LRRC31: variants seen among roughly 807,000 people sequenced by gnomAD.
LRRC31 encodes leucine-rich repeat-containing protein 31.
In LRRC31, 35 loss-of-function variants were observed where a neutral mutation model predicts 46.7. That is an observed-to-expected ratio of 0.75 (90% CI 0.57 to 0.99). LRRC31 has a LOEUF of 0.99. Ranked by LOEUF, LRRC31 falls within the 50% of genes least tolerant of loss-of-function variation. The pLI is 0.00. For missense variants in LRRC31, 613 were observed against 626.1 expected, an observed-to-expected ratio of 0.98 and a Z score of 0.22; for synonymous variants, 236 against 235.1, an observed-to-expected ratio of 1.00 and a Z score of -0.03.
rs1208353242 is a variant in LRRC31 at position 169,857,353 on chromosome 3, C to T, written c.488-481G>A. On this transcript the variant is annotated intron_variant, in intron 3 of 8. Coordinates refer to ENST00000316428, the MANE Select transcript of LRRC31 (RefSeq NM_024727.4). ...ATATATATATATATATATACACACA[C>T]ACACACACACACACACAAGTATATA... is the stretch of plus-strand genomic sequence containing the variant. Among the ~76,000 whole-genome samples, 230 of 91,076 alleles carry T rather than the reference C, an allele frequency of 2.5e-3. 2 individuals are homozygous for T. The highest frequency in any genetic ancestry group is 7.4e-3 in the African/African-American group (202 of 27,396). The allele number at this position is 91,076 out of a possible 152,430, so 59.7% of individuals were successfully genotyped here.
At position 169,860,657 on chromosome 3, in the gene LRRC31, G is replaced by A; in HGVS notation, c.391C>T (p.Leu131Phe). 1 of 1,614,134 alleles carries A rather than the reference G, an allele frequency of 6.2e-7. No homozygotes were observed. The highest frequency in any genetic ancestry group is 1.1e-5 in the South Asian group (1 of 91,084). ...ISWNGFVGGT[L>F]LSITQQMHLV... Reference sequence around the variant, plus strand: ...TGCATTTGCTGAGTGATGGAAAGGAGGGTTCCACCTACAAAACCATTCCAG... The same window carrying A: ...TGCATTTGCTGAGTGATGGAAAGGAAGGTTCCACCTACAAAACCATTCCAG... Residue 131 changes from leucine to phenylalanine, a missense_variant, in exon 3 of 9, where the codon CTC becomes TTC. Leu to Phe is a conservative substitution (Grantham distance 22). Transcript: ENST00000316428.
intron 1 of LRRC31, among the ~76,000 whole-genome samples, chr3:169,866,867 C>T (rs567194487): frequency 6.6e-6 from 1 of 151,928 alleles, no homozygotes; most frequent in African/African-American, 2.4e-5. Flanking sequence ...GAGGCTGAGA[C>T]AAGAGAATCA....
chr3:169,849,521 G>T (rs1281123816), intron 7 of LRRC31, among the ~76,000 whole-genome samples: 1 of 152,100 alleles, frequency 6.6e-6, no homozygotes, highest in Non-Finnish European at 1.5e-5. Context: ...TACAAAAATT[G>T]GCCAGGTGTG....
At position 169,848,123 on chromosome 3, in the gene LRRC31, G is replaced by A. The variant is rs1293834852; in HGVS notation, c.1324C>T (p.Leu442=). 6.2e-7 allele frequency: 1 copy of A among 1,612,536 alleles called. No individual in the cohort carries two copies. Among genetic ancestry groups the A allele is most frequent in the South Asian group, 1.1e-5 (1 of 90,946 alleles). ...TTGGGAACAAGTAGATACACACCCAGGAGAGCCACATCCTCTGTCACCAGG... is the reference window on the plus strand; with the variant it reads ...TTGGGAACAAGTAGATACACACCCAAGAGAGCCACATCCTCTGTCACCAGG... ...CSLVTEDVAL[L]ASVIQTGHLA... Residue 442 remains leucine (L), a synonymous_variant, in exon 8 of 9, where the codon CTG becomes TTG. Transcript: ENST00000316428.
chr3:169,839,743 T>C lies in LRRC31; in HGVS notation c.*239A>G, dbSNP rs183448685. The C allele has an allele frequency of 7.9e-4, 129 of 162,266 alleles. 1 individual carries two copies. Among genetic ancestry groups the C allele is most frequent in the Middle Eastern group, 3.0e-3 (1 of 336 alleles). 10.1% of individuals were successfully genotyped at this position (162,266 alleles called of 1,614,324 possible). A position where few individuals can be genotyped will look rare whatever the true frequency, so the allele number is the denominator to read the frequency against. ...TAGACAGAGAATAATGGCATGCTCA[T>C]ATTAGATATTATATATATATTTACA... is the stretch of plus-strand genomic sequence containing the variant. On this transcript the variant is annotated 3_prime_UTR_variant, in exon 9 of 9. Coordinates refer to ENST00000316428, the MANE Select transcript of LRRC31 (RefSeq NM_024727.4).
intron 1 of LRRC31, among the ~76,000 whole-genome samples, chr3:169,869,130 G>A (rs1354482087): frequency 6.6e-6 from 1 of 151,088 alleles, no homozygotes; most frequent in East Asian, 1.9e-4. Flanking sequence ...CAGCAGTTTG[G>A]GAGGCCAAGG....
intron 7 of LRRC31, 34 bp downstream of exon 7, chr3:169,851,585 C>A: frequency 6.3e-7 from 1 of 1,586,228 alleles, no homozygotes; most frequent in Non-Finnish European, 8.6e-7. Flanking sequence ...CACATTATTG[C>A]ATGGTTCCTG....
Position 169,861,809 on chromosome 3 carries a change from C to T in LRRC31, c.180G>A (p.Lys60=), listed in dbSNP as rs1158132702. The change falls in exon 2 of 9, where the codon AAG becomes AAA. Residue 60 remains lysine (K), a synonymous_variant. Transcript: ENST00000316428. The part of the protein sequence containing the change: ...IQKTATSETA[K]PLSSEMEWRS... ...TCCATTCCATTTCTGAACTGAGAGG[C>T]TTAGCTGTGTGATAAGCATAAAAAA... The T allele has an allele frequency of 1.2e-6, 2 of 1,613,076 alleles. No individual in the cohort carries two copies. The highest frequency in any genetic ancestry group is 1.3e-5 in the African/African-American group (1 of 74,884).
chr3:169,848,152 C>G lies in LRRC31; in HGVS notation c.1295G>C (p.Cys432Ser), dbSNP rs368106693. The G allele has an allele frequency of 8.1e-6, 13 of 1,614,076 alleles. No homozygotes were observed. The Admixed American group carries it at 1.0e-4, about 12-fold the overall frequency. Reference protein sequence around the residue: ...MSLQVLRLSSCSLVTEDVALL... With the variant: ...MSLQVLRLSSSSLVTEDVALL... ...AGCCACATCCTCTGTCACCAGGGAA[C>G]AGCTGCTCAGCCTCAGCACTTGAAG... is the stretch of plus-strand genomic sequence containing the variant. Residue 432 changes from cysteine to serine, a missense_variant, in exon 8 of 9, where the codon TGT becomes TCT. Coordinates refer to ENST00000316428, the MANE Select transcript of LRRC31 (RefSeq NM_024727.4).
intron 1 of LRRC31, among the ~76,000 whole-genome samples, chr3:169,862,538 G>A (rs1234330071): frequency 6.6e-6 from 1 of 152,054 alleles, no homozygotes; most frequent in Admixed American, 6.5e-5. Flanking sequence ...TGAGGCGGGT[G>A]GATCATGAGG....
At chr3:169,846,154 A>G (rs1230795868) in intron 8 of LRRC31, among the ~76,000 whole-genome samples, 1 of 152,236 alleles carries the variant, frequency 6.6e-6, no homozygotes, top group Non-Finnish European at 1.5e-5. Flanking sequence ...TAAAATCACA[A>G]TGTTTTGTCC....
chr3:169,859,122 T>TAAAATACAAAAAATACAAAAAATACAA (rs1781063902), intron 3 of LRRC31, among the ~76,000 whole-genome samples: 1 of 144,952 alleles, frequency 6.9e-6, no homozygotes, highest in African/African-American at 2.6e-5. Flanking sequence ...GGTGCACGCC[T>TAAAATACAAAAAATACAAAAAATACAA]AAAATACAAA....
chr3:169,853,275 G>C (rs1159257388), intron 6 of LRRC31: 1 of 984,848 alleles, frequency 1.0e-6, no homozygotes. Context: ...ACAATGATCG[G>C]ATAAAAGAAT....
intron 1 of LRRC31, among the ~76,000 whole-genome samples, chr3:169,866,193 C>G (rs1781327016): frequency 6.6e-6 from 1 of 152,066 alleles, no homozygotes; most frequent in South Asian, 2.1e-4. Flanking sequence ...GGCAAGAGAG[C>G]AAGACTGGAA....
rs1178088491 is a variant in LRRC31, at chr3:169,861,696, A to G, written c.293T>C (p.Leu98Ser). ...CATTTCTTTCATGTCCGCTGTTGTT[A>G]ATCCACAGTTATTCAAATCTAGACA... Reference protein sequence around the residue: ...NKCLDLNNCGLTTADMKEMVA... With the variant: ...NKCLDLNNCGSTTADMKEMVA... Residue 98 changes from leucine (L) to serine (S), a missense_variant, in exon 2 of 9, where the codon TTA becomes TCA. By Grantham distance (145) the Leu-to-Ser change is moderately radical. Coordinates refer to ENST00000316428, the MANE Select transcript of LRRC31 (RefSeq NM_024727.4). 2 of 1,613,986 alleles carry G rather than the reference A, an allele frequency of 1.2e-6. No homozygotes were observed. The highest frequency in any genetic ancestry group is 1.7e-6 in the Non-Finnish European group (2 of 1,180,020).
In LRRC31 at chr3:169,863,561, C is replaced by G. The variant is rs560547840; in HGVS notation, c.176-1748G>C. ...GTCTAAGAAAACCACACGTAGGATACGCGTCCTTGTTGGGATGCTTGGTGT... is the reference window on the plus strand; with the variant it reads ...GTCTAAGAAAACCACACGTAGGATAGGCGTCCTTGTTGGGATGCTTGGTGT... On this transcript the variant is annotated intron_variant, in intron 1 of 8. Transcript: ENST00000316428. 1.4e-4 allele frequency among the ~76,000 whole-genome samples: 21 copies of G among 152,292 alleles called. No homozygotes were observed. The South Asian group carries it at 3.3e-3, about 24-fold the overall frequency.
chr3:169,856,908 T>G (rs1361920901), intron 3 of LRRC31, 36 bp from the exon 4 acceptor site: 12 of 1,570,750 alleles, frequency 7.6e-6, no homozygotes, highest in African/African-American at 1.4e-5. Flanking sequence ...TGTTGGTCAC[T>G]AGTCAGAAAA....
intron 7 of LRRC31, among the ~76,000 whole-genome samples, chr3:169,849,357 T>C (rs1780690419): frequency 6.6e-6 from 1 of 152,258 alleles, no homozygotes; most frequent in Non-Finnish European, 1.5e-5. Context: ...TTATGTCAGA[T>C]GATATAATTT....
chr3:169,858,784 A>G (rs1781049073), intron 3 of LRRC31, among the ~76,000 whole-genome samples: 1 of 152,120 alleles, frequency 6.6e-6, no homozygotes, highest in Non-Finnish European at 1.5e-5. Flanking sequence ...CGGGCAGATC[A>G]CTTGAAGTCA....
Sources: gnomAD v4.1 joint callset for allele counts (sites outside exome capture counted in the v4.1 genomes callset) on GRCh38, gnomAD v4.1.1 for gene constraint, MANE v1.5 for transcripts, NCBI Gene and HGNC (gene_info 2026-07-23, HGNC 2026-07-21) for gene names.